The following LRCH1 variants were observed in gnomAD, a reference collection of about 807,000 sequenced individuals.
The protein encoded by LRCH1 is leucine rich repeats and calponin homology domain containing 1.
In LRCH1, 23 loss-of-function variants were observed where a neutral mutation model predicts 94.9. That is an observed-to-expected ratio of 0.24 (90% CI 0.17 to 0.34). The LOEUF is 0.34. Among genes scored for constraint, LRCH1 ranks in the 10% least tolerant of loss-of-function variants. The pLI is 1.00. For missense variants in LRCH1, 790 were observed against 945.9 expected (o/e 0.84, Z 2.16); for synonymous variants, 364 against 354.9 (o/e 1.03, Z -0.29).
At position 46,750,774 on chromosome 13, in the gene LRCH1, T is replaced by A; in HGVS notation, c.*124T>A. 4 of 627,658 alleles carry A rather than the reference T, an allele frequency of 6.4e-6. No individual in the cohort carries two copies. The South Asian group carries it at 6.6e-5, about 10-fold the overall frequency. The allele number at this position is 627,658 out of a possible 1,614,324, so 38.9% of individuals were successfully genotyped here. On this transcript the variant is annotated 3_prime_UTR_variant, in exon 19 of 19. Coordinates refer to the LRCH1 transcript ENST00000311191. The stretch of plus-strand genomic sequence containing the variant: ...TGTCACTTCACTGACTCCAGTTACA[T>A]TGAAACAATTTTCAGTCTAAGGGAG...
intron 1 of LRCH1, among the ~76,000 whole-genome samples, chr13:46,578,390 C>T (rs1434950934): frequency 1.3e-5 from 2 of 152,158 alleles, no homozygotes; most frequent in Non-Finnish European, 2.9e-5. Flanking sequence ...TTTAGTGCAT[C>T]GCAGAAGCAA....
chr13:46,741,300 A>G (rs1177388089), intron 19 of LRCH1, among the ~76,000 whole-genome samples: 1 of 152,204 alleles, frequency 6.6e-6, no homozygotes, highest in Non-Finnish European at 1.5e-5. Flanking sequence ...GTCCCACGTG[A>G]AAATCTTATT....
chr13:46,578,756 T>A (rs1227401383), intron 1 of LRCH1, among the ~76,000 whole-genome samples: 1 of 152,012 alleles, frequency 6.6e-6, no homozygotes, highest in African/African-American at 2.4e-5. Flanking sequence ...GTCAGATGCT[T>A]ACATCGTGGG....
intron 1 of LRCH1, among the ~76,000 whole-genome samples, chr13:46,637,577 G>C (rs2051107257): frequency 6.6e-6 from 1 of 152,112 alleles, no homozygotes; most frequent in African/African-American, 2.4e-5. Context: ...GTCCCTCTGG[G>C]GAAAGGCTCA....
At position 46,732,687 on chromosome 13, in the gene LRCH1, T is replaced by C. The variant is rs571935959; in HGVS notation, c.2008-1234T>C. ...GGCCCAAACGATCAGAGAGAAACGC[T>C]AGGGTCTTGGCGTGATGAAATGCCT... On this transcript the variant is annotated intron_variant, in intron 18 of 19. Transcript: ENST00000389797. Among the ~76,000 whole-genome samples the C allele has an allele frequency of 2.0e-5, 3 of 152,282 alleles. No homozygotes were observed. The East Asian group carries it at 5.8e-4, about 29-fold the overall frequency.
chr13:46,671,982 A>G (rs758174742), intron 3 of LRCH1, among the ~76,000 whole-genome samples: 3 of 152,190 alleles, frequency 2.0e-5, no homozygotes, highest in Non-Finnish European at 4.4e-5. Flanking sequence ...TGTACATTCT[A>G]TCGGTTTGGG....
chr13:46,601,382 T>C (rs796066225), intron 1 of LRCH1, among the ~76,000 whole-genome samples: 3 of 152,340 alleles, frequency 2.0e-5, no homozygotes, highest in African/African-American at 4.8e-5. Flanking sequence ...TAAAAACTTA[T>C]GTTTGAGGCA....
chr13:46,719,702 T>A (rs1872510524), intron 16 of LRCH1, among the ~76,000 whole-genome samples: 1 of 152,236 alleles, frequency 6.6e-6, no homozygotes. Flanking sequence ...TTTTCATTCT[T>A]TAAATGTTAT....
chr13:46,613,695 T>G lies in LRCH1; in HGVS notation c.308-36506T>G, dbSNP rs565283631. Among the ~76,000 whole-genome samples, 3 of 152,326 alleles carry G rather than the reference T, an allele frequency of 2.0e-5. No homozygotes were observed. In the East Asian group the frequency reaches 5.8e-4, roughly 29 times the overall value. On this transcript the variant is annotated intron_variant, in intron 1 of 19. Coordinates refer to ENST00000389797, the MANE Select transcript of LRCH1 (RefSeq NM_001164211.2). The stretch of plus-strand genomic sequence containing the variant: ...TAATTGGTGTGTTGCAGAACCTGAC[T>G]TGAGCCATTTCGAAATGGGTCATTG...
intron 1 of LRCH1, among the ~76,000 whole-genome samples, chr13:46,560,123 AT>A (rs1252216396): frequency 6.7e-6 from 1 of 148,218 alleles, no homozygotes; most frequent in African/African-American, 2.6e-5. Flanking sequence ...TCTTTTGTGT[AT>A]ACATTTCTGT....
intron 1 of LRCH1, among the ~76,000 whole-genome samples, chr13:46,578,823 A>T (rs113556473): frequency 0.016 from 2,419 of 152,084 alleles, 66 homozygotes; most frequent in African/African-American, 0.055. Context: ...AGGGGGATGT[A>T]CAGGGTGTGT....
At chr13:46,554,800 A>G (rs1288579014) in intron 1 of LRCH1, among the ~76,000 whole-genome samples, 2 of 151,652 alleles carry the variant, frequency 1.3e-5, no homozygotes, top group African/African-American at 4.9e-5. Context: ...AACATTTCCC[A>G]GGGCAGTGGG....
chr13:46,646,848 C>T (rs1389433456), intron 1 of LRCH1, among the ~76,000 whole-genome samples: 2 of 152,142 alleles, frequency 1.3e-5, no homozygotes, highest in Non-Finnish European at 2.9e-5. Flanking sequence ...CACAGTGGCT[C>T]ATGCCTGTAA....
At chr13:46,680,060 G>A (rs528623944) in intron 3 of LRCH1, 1 of 152,256 alleles carries the variant, frequency 6.6e-6, no homozygotes, top group Non-Finnish European at 1.5e-5. Flanking sequence ...GCCTTCTATG[G>A]TGAAAGGGGA....
chr13:46,750,699 C>A, exon 19 of LRCH1: 1 of 1,323,684 alleles, frequency 7.6e-7, no homozygotes, highest in Admixed American at 2.0e-5. Context: ...CATCCAGGAT[C>A]CTGAACTCTG....
Position 46,631,219 on chromosome 13 carries a change from A to G in LRCH1, c.308-18982A>G, listed in dbSNP as rs112700068. Among the ~76,000 whole-genome samples, 312 of 152,336 alleles carry G rather than the reference A, an allele frequency of 2.0e-3. 1 individual carries two copies. The highest frequency in any genetic ancestry group is 7.1e-3 in the African/African-American group (296 of 41,582). ...CATTTCCCTCAAACTACATGCTCCA[A>G]AAGTAGGTTCTCACTGCACTTGCCA... On this transcript the variant is annotated intron_variant, in intron 1 of 19. Transcript: ENST00000389797.
At chr13:46,746,554 G>A (rs990211118), downstream of LRCH1, among the ~76,000 whole-genome samples, 4 of 152,148 alleles carry the variant, frequency 2.6e-5, no homozygotes, top group Admixed American at 6.5e-5. Flanking sequence ...AAGCCCATGG[G>A]CAAACTAAGA....
In LRCH1 at chr13:46,687,369, GA is replaced by G. The variant is rs112631658; in HGVS notation, c.823-478del. Among the ~76,000 whole-genome samples the G allele has an allele frequency of 9.2e-3, 1,396 of 152,262 alleles. 18 individuals carry two copies. Among genetic ancestry groups the G allele is most frequent in the African/African-American group, 0.031 (1,307 of 41,550 alleles). On this transcript the variant is annotated intron_variant, in intron 5 of 19. Transcript: ENST00000389797. ...AGCTCAAATGTTAAACTGCATGAGA[GA>G]AAAATGAAGTGCTATGCTTTCAGAT...
chr13:46,600,581 A>C (rs1018038398), intron 1 of LRCH1, among the ~76,000 whole-genome samples: 1 of 148,418 alleles, frequency 6.7e-6, no homozygotes, highest in African/African-American at 2.5e-5. Context: ...CCCAGTAAGA[A>C]ATATGTTTTA....
Sources: allele counts gnomAD v4.1 joint callset (sites outside exome capture counted in the v4.1 genomes callset), GRCh38; gene constraint gnomAD v4.1.1; transcripts MANE v1.5; gene names NCBI Gene and HGNC (gene_info 2026-07-23, HGNC 2026-07-21).